OGG1: variants seen among roughly 807,000 people sequenced by gnomAD.
OGG1 encodes 8-oxoguanine DNA glycosylase, also known as N-glycosylase/DNA lyase.
A neutral mutation model predicts 42.3 loss-of-function variants in OGG1; 35 were observed. That is an observed-to-expected ratio of 0.83 (90% CI 0.63 to 1.10). The LOEUF (loss-of-function observed/expected upper bound fraction) is 1.10. OGG1 is among the 50% of genes least tolerant of loss of function. The pLI is 0.00. For missense variants in OGG1, 484 were observed against 446.7 expected (o/e 1.08, Z -0.75); for synonymous variants, 189 against 179.0 (o/e 1.06, Z -0.44).
chr3:9,767,857 G>A, downstream of OGG1: 1 of 1,509,422 alleles, frequency 6.6e-7, no homozygotes, highest in Non-Finnish European at 8.9e-7. Flanking sequence ...GCCCCATTCA[G>A]TCATTCAACC....
At chr3:9,762,719 A>G (rs2077943454) in intron 7 of OGG1, among the ~76,000 whole-genome samples, 1 of 151,982 alleles carries the variant, frequency 6.6e-6, no homozygotes, top group Admixed American at 6.6e-5. Context: ...ATAAAATGCC[A>G]CACAATTCAC....
intron 3 of OGG1, chr3:9,781,733 T>G (rs2078470906): frequency 5.0e-6 from 2 of 397,444 alleles, no homozygotes; most frequent in Non-Finnish European, 1.0e-5. Context: ...GATGCTCAGG[T>G]CAGGGGCTGC....
At chr3:9,790,931 C>T (rs2078714513), downstream of OGG1, among the ~76,000 whole-genome samples, 5 of 152,186 alleles carry the variant, frequency 3.3e-5, no homozygotes, top group Admixed American at 3.3e-4. Context: ...CTGGTATGTA[C>T]TTGACTTTCT....
chr3:9,759,271 T>A, downstream of OGG1: 1 of 1,613,676 alleles, frequency 6.2e-7, no homozygotes, highest in Non-Finnish European at 8.5e-7. Context: ...ACAGACTTCT[T>A]CCTCTAGACT....
intron 3 of OGG1, chr3:9,785,497 G>A: frequency 9.7e-7 from 1 of 1,028,140 alleles, no homozygotes. Flanking sequence ...GACCTACACT[G>A]ACAGTCTTCA....
downstream of OGG1, among the ~76,000 whole-genome samples, chr3:9,788,446 C>T (rs1322367208): frequency 2.6e-5 from 4 of 151,780 alleles, no homozygotes; most frequent in Non-Finnish European, 5.9e-5. Flanking sequence ...GGGGTTTCAC[C>T]GTGTTAGCCA....
At chr3:9,770,548 A>G (rs2078278949), downstream of OGG1, among the ~76,000 whole-genome samples, 1 of 152,120 alleles carries the variant, frequency 6.6e-6, no homozygotes. Flanking sequence ...CTTGCTCCTC[A>G]GAGCGGGTGG....
downstream of OGG1, chr3:9,766,744 C>T: frequency 1.7e-6 from 1 of 580,150 alleles, no homozygotes; most frequent in Non-Finnish European, 2.2e-6. Flanking sequence ...AGAAAAGCAT[C>T]TCTCGTGGTG....
chr3:9,760,664 G>C, downstream of OGG1: 2 of 1,613,964 alleles, frequency 1.2e-6, no homozygotes, highest in Non-Finnish European at 1.7e-6. Context: ...ACCAGAGTCA[G>C]AGATGTCGTC....
At chr3:9,767,029 C>T (rs1056556837), downstream of OGG1, among the ~76,000 whole-genome samples, 3 of 152,158 alleles carry the variant, frequency 2.0e-5, no homozygotes, top group Admixed American at 1.3e-4. Flanking sequence ...CCATCACACT[C>T]TACCTCTCTC....
downstream of OGG1, among the ~76,000 whole-genome samples, chr3:9,769,276 G>A (rs569399038): frequency 3.3e-5 from 5 of 151,190 alleles, no homozygotes; most frequent in Admixed American, 6.6e-5. Flanking sequence ...TATACCAGAC[G>A]TACCCTACAC....
At chr3:9,755,195 A>G (rs1257159708) in intron 4 of OGG1, among the ~76,000 whole-genome samples, 1 of 152,134 alleles carries the variant, frequency 6.6e-6, no homozygotes, top group Non-Finnish European at 1.5e-5. Context: ...GGGGAGACAA[A>G]TGGGAAGATA....
At chr3:9,763,316 C>T in intron 7 of OGG1, 3 of 1,455,016 alleles carry the variant, frequency 2.1e-6, no homozygotes, top group Admixed American at 1.8e-5. Flanking sequence ...TCACTTGGCC[C>T]CAGCAGTTCA....
At chr3:9,760,596 A>T (rs188481420), downstream of OGG1, 19 of 1,563,332 alleles carry the variant, frequency 1.2e-5, no homozygotes, top group African/African-American at 1.4e-4. Context: ...ACCGCCCCCA[A>T]AGCAGGTGAG....
At chr3:9,773,466 G>C (rs368127071) in intron 2 of OGG1, among the ~76,000 whole-genome samples, 2 of 151,948 alleles carry the variant, frequency 1.3e-5, no homozygotes, top group African/African-American at 2.4e-5. Context: ...GCGTGGACCC[G>C]GGAGGCAGAG....
rs748222568 is a variant in OGG1 at position 9,757,327 on chromosome 3, G to A, written c.*177G>A. On this transcript the variant is annotated 3_prime_UTR_variant, in exon 7 of 7. Transcript: ENST00000344629. The surrounding 1 kb of genome is among the most constrained non-coding windows in gnomAD (Gnocchi z 4.5). ...ACAACAAGATGGGGTGGGGGATATT[G>A]AGGGAGACAGCGCTAAGGATGGTTT... is the stretch of plus-strand genomic sequence containing the variant. 1.2e-6 allele frequency: 2 copies of A among 1,614,190 alleles called. No homozygotes were observed. The highest frequency in any genetic ancestry group is 2.2e-5 in the South Asian group (2 of 91,086).
At chr3:9,785,829 G>A (rs1368393112) in intron 3 of OGG1, among the ~76,000 whole-genome samples, 3 of 152,232 alleles carry the variant, frequency 2.0e-5, no homozygotes, top group Non-Finnish European at 4.4e-5. Context: ...TCTTGCAGGC[G>A]GGTATGGTCA....
At chr3:9,781,479 G>A (rs531224258) in intron 2 of OGG1, 2 of 454,844 alleles carry the variant, frequency 4.4e-6, no homozygotes, top group East Asian at 7.0e-5. Context: ...GCAGGCTGGG[G>A]CCAAACTCTT....
At chr3:9,752,190 T>C (rs1399084334) in intron 3 of OGG1, 2 of 575,762 alleles carry the variant, frequency 3.5e-6, no homozygotes, top group East Asian at 5.9e-5. Context: ...AAAATATCTG[T>C]ATACAATGTA....
Sources: gnomAD v4.1 joint callset for allele counts (sites outside exome capture counted in the v4.1 genomes callset) on GRCh38, gnomAD v4.1.1 for gene constraint, Gnocchi (gnomAD v3.1) non-coding constraint, MANE v1.5 for transcripts, NCBI Gene and HGNC (gene_info 2026-07-23, HGNC 2026-07-21) for gene names.